Variants in MED12L observed in about 807,000 individuals in gnomAD.
MED12L encodes the protein mediator of RNA polymerase II transcription subunit 12-like protein.
In MED12L, 60 loss-of-function variants were observed where a neutral mutation model predicts 281.3. The observed-to-expected ratio is 0.21, with a 90% CI of 0.17 to 0.26. The LOEUF (loss-of-function observed/expected upper bound fraction) is 0.26. MED12L is among the 10% of genes least tolerant of loss of function. The probability of loss-of-function intolerance (pLI) is 1.00; values close to 1 mark genes in which losing one functional copy is unlikely to be tolerated. For synonymous variants in MED12L, 974 were observed against 987.2 expected (o/e 0.99, Z 0.25); for missense variants, 2,146 against 2,680.9 (o/e 0.80, Z 4.41).
chr3:151,188,291 A>G, intron 12 of MED12L, 63 bp from the exon 13 acceptor site: 1 of 1,338,234 alleles, frequency 7.5e-7, no homozygotes, highest in Non-Finnish European at 1.0e-6. Context: ...AAAATTAACA[A>G]ATTCATGATC....
intron 16 of MED12L, among the ~76,000 whole-genome samples, chr3:151,313,059 G>A (rs1747759147): frequency 6.6e-6 from 1 of 152,162 alleles, no homozygotes; most frequent in Non-Finnish European, 1.5e-5. Flanking sequence ...TTTGTTCTTT[G>A]AGCAGATATG....
intron 16 of MED12L, among the ~76,000 whole-genome samples, chr3:151,202,684 A>G (rs779942295): frequency 1.6e-4 from 24 of 152,200 alleles, no homozygotes; most frequent in Non-Finnish European, 2.6e-4. Flanking sequence ...AAACAAAACA[A>G]AAACAAAATA....
Position 151,430,317 on chromosome 3 carries a change from C to T in MED12L, c.6427C>T (p.Gln2143Ter). The T allele has an allele frequency of 6.2e-7, 1 of 1,614,138 alleles. No homozygotes were observed. Among genetic ancestry groups the T allele is most frequent in the Non-Finnish European group, 8.5e-7 (1 of 1,179,976 alleles). Residue 2143 changes from glutamine to a stop codon, truncating the protein, a stop_gained, in exon 44 of 45, where the codon CAG becomes TAG. Transcript: ENST00000687756. LOFTEE classifies it high-confidence loss of function. The stretch of plus-strand genomic sequence containing the variant: ...ATTACAGTTTCCCAGGCAAGGCTTG[C>T]AGCAGACCCAGCAGCAGCAGCAGAC... Reference protein sequence around the residue: ...QQPLFPRQGLQQTQQQQQTAA... With the variant: ...QQPLFPRQGL
chr3:151,155,155 C>A (rs1163141901), intron 5 of MED12L, among the ~76,000 whole-genome samples: 2 of 152,132 alleles, frequency 1.3e-5, no homozygotes, highest in African/African-American at 4.8e-5. Context: ...GGTGGGAGAA[C>A]CTATTGCTGA....
intron 5 of MED12L, among the ~76,000 whole-genome samples, chr3:151,142,327 G>A (rs1717142636): frequency 6.6e-6 from 1 of 152,192 alleles, no homozygotes; most frequent in African/African-American, 2.4e-5. Context: ...TATGAAGAAT[G>A]CTTCCAAAAG....
At chr3:151,227,178 G>A (rs775198828) in intron 16 of MED12L, among the ~76,000 whole-genome samples, 1 of 152,240 alleles carries the variant, frequency 6.6e-6, no homozygotes, top group Non-Finnish European at 1.5e-5. Context: ...GCTGAATGGT[G>A]TGGCCACATA....
At chr3:151,225,273 G>C (rs1375099038) in intron 16 of MED12L, among the ~76,000 whole-genome samples, 1 of 152,180 alleles carries the variant, frequency 6.6e-6, no homozygotes, top group Non-Finnish European at 1.5e-5. Context: ...CTTCTGCTTA[G>C]CTCCTGTGTT....
rs566300513 is a variant in MED12L, at chr3:151,252,427, G to T, written c.2250+58761G>T. Among the ~76,000 whole-genome samples the T allele has an allele frequency of 2.0e-5, 3 of 152,080 alleles. No homozygotes were observed. In the East Asian group the frequency reaches 5.8e-4, roughly 29 times the overall value. ...CTGGCATAAATACTGATTTTTAATTGTCTGCCAGTTGTTTCTCCCAACTAG... is the reference window on the plus strand; with the variant it reads ...CTGGCATAAATACTGATTTTTAATTTTCTGCCAGTTGTTTCTCCCAACTAG... On this transcript the variant is annotated intron_variant, in intron 16 of 44. Transcript: ENST00000687756.
intron 32 of MED12L, among the ~76,000 whole-genome samples, chr3:151,380,966 C>G (rs1712221557): frequency 6.6e-6 from 1 of 152,134 alleles, no homozygotes; most frequent in African/African-American, 2.4e-5. Context: ...ACCAAGTACA[C>G]AAGAAATAAA....
rs749814939 is a variant in MED12L at position 151,160,129 on chromosome 3, G to A, written c.1107+28G>A. On this transcript the variant is annotated intron_variant, in intron 8 of 44. Coordinates refer to ENST00000687756, the MANE Select transcript of MED12L (RefSeq NM_001393769.1). ...AAGTCCTTGGCCCTTGTTATTTTATGTTAAAATTCAATGTGGGAAGTGATT... is the reference window on the plus strand; with the variant it reads ...AAGTCCTTGGCCCTTGTTATTTTATATTAAAATTCAATGTGGGAAGTGATT... The A allele has an allele frequency of 6.1e-6, 9 of 1,482,040 alleles. No individual in the cohort carries two copies. In the South Asian group the frequency reaches 1.2e-4, roughly 19 times the overall value. The allele number at this position is 1,482,040 out of a possible 1,614,324, so 91.8% of individuals were successfully genotyped here.
Position 151,209,875 on chromosome 3 carries a change from C to T in MED12L, c.2250+16209C>T, listed in dbSNP as rs188594575. 1.4e-4 allele frequency among the ~76,000 whole-genome samples: 22 copies of T among 152,146 alleles called. No individual in the cohort carries two copies. The East Asian group carries it at 2.9e-3, about 20-fold the overall frequency. ...TCTGTTAGATAAAGCCAGTGTATCA[C>T]GAGTTTCTCATTTGTAGTTGCCAAA... On this transcript the variant is annotated intron_variant, in intron 16 of 44. Transcript: ENST00000687756.
At chr3:151,180,428 C>T (rs143643534) in intron 11 of MED12L, among the ~76,000 whole-genome samples, 110 of 152,304 alleles carry the variant, frequency 7.2e-4, no homozygotes, top group African/African-American at 2.6e-3. Context: ...ACGTTTCTCT[C>T]TAGAAGGTGA....
At chr3:151,314,248 A>C (rs1313493873) in intron 16 of MED12L, among the ~76,000 whole-genome samples, 1 of 152,242 alleles carries the variant, frequency 6.6e-6, no homozygotes, top group Non-Finnish European at 1.5e-5. Flanking sequence ...TTGGCCAATA[A>C]TAATATTAAT....
intron 43 of MED12L, 56 bp downstream of exon 43, chr3:151,416,478 G>A: frequency 6.4e-7 from 1 of 1,571,316 alleles, no homozygotes; most frequent in Non-Finnish European, 8.7e-7. Flanking sequence ...AAAGCAGGTT[G>A]CATTGTTCAT....
rs144338454 is a variant in MED12L, at chr3:151,294,713, A to T, written c.2251-55346A>T. On this transcript the variant is annotated intron_variant, in intron 16 of 44. Coordinates refer to ENST00000687756, the MANE Select transcript of MED12L (RefSeq NM_001393769.1). ...CTCTGTTGGCTGACCATTTGTTAGG[A>T]TGATGTTTGGCAAAGACAAAACAGC... The T allele has an allele frequency of 7.7e-5, 125 of 1,614,194 alleles. No individual in the cohort carries two copies. The highest frequency in any genetic ancestry group is 9.9e-5 in the Non-Finnish European group (117 of 1,180,034).
At position 151,372,657 on chromosome 3, in the gene MED12L, A is replaced by G; in HGVS notation, c.3755A>G (p.Asp1252Gly). 6.2e-7 allele frequency: 1 copy of G among 1,613,886 alleles called. No individual in the cohort carries two copies. The highest frequency in any genetic ancestry group is 8.5e-7 in the Non-Finnish European group (1 of 1,179,782). Residue 1252 changes from aspartate (D) to glycine (G), a missense_variant, in exon 27 of 45, where the codon GAT becomes GGT. By Grantham distance (94) the Asp-to-Gly change is moderately conservative. Around this residue, in one of 9 missense-constraint regions of MED12L, gnomAD observed 235 missense variants for 260.3 expected, o/e 0.90. Transcript: ENST00000687756. ...TTGCGATGTGATGGGAATGCTGATG[A>G]TATCTGGACTGCCTCACAAAATCCA... The part of the protein sequence containing the change: ...RGLRCDGNAD[D>G]IWTASQNPKS...
At chr3:151,357,406 T>A in intron 20 of MED12L, 30 bp downstream of exon 20, 2 of 1,536,904 alleles carry the variant, frequency 1.3e-6, no homozygotes, top group Non-Finnish European at 1.8e-6. Context: ...TTGTTGTTTT[T>A]CCAATCTCAG....
At chr3:151,298,419 G>A (rs2149709760) in intron 16 of MED12L, among the ~76,000 whole-genome samples, 1 of 152,310 alleles carries the variant, frequency 6.6e-6, no homozygotes, top group African/African-American at 2.4e-5. Flanking sequence ...CGCAATATGT[G>A]CATGCAATGT....
At chr3:151,316,849 A>G (rs1196563217) in intron 16 of MED12L, 1 of 152,200 alleles carries the variant, frequency 6.6e-6, no homozygotes, top group Non-Finnish European at 1.5e-5. Flanking sequence ...GCTAATGTAA[A>G]TGACTCATAA....
Sources: gnomAD v4.1 joint callset for allele counts (sites outside exome capture counted in the v4.1 genomes callset) on GRCh38, gnomAD v4.1.1 for gene constraint, gnomAD v4.1.1 regional missense constraint, MANE v1.5 for transcripts, NCBI Gene and HGNC (gene_info 2026-07-23, HGNC 2026-07-21) for gene names.